The following PATJ variants were observed in gnomAD, a reference collection of about 807,000 sequenced individuals.
PATJ encodes PATJ crumbs cell polarity complex component.
PATJ carries 190 observed loss-of-function variants against 224.9 expected under a neutral mutation model. The ratio of observed to expected loss-of-function variants is 0.84; its 90% CI spans 0.75 to 0.95. The LOEUF (loss-of-function observed/expected upper bound fraction) is 0.95, where lower values mean the gene tolerates loss of function less well. Among genes scored for constraint, PATJ ranks in the 40% least tolerant of loss-of-function variants. The pLI is 0.00. For synonymous variants in PATJ, 769 were observed against 820.3 expected, an observed-to-expected ratio of 0.94 and a Z score of 1.07; for missense variants, 2,121 against 2,270.3, an observed-to-expected ratio of 0.93 and a Z score of 1.34.
intron 7 of PATJ, among the ~76,000 whole-genome samples, chr1:61,786,622 A>T (rs1648586548): frequency 6.6e-6 from 1 of 152,006 alleles, no homozygotes; most frequent in South Asian, 2.1e-4. Context: ...CAGGCTAAAA[A>T]CTTGGAGTTT....
chr1:62,129,224 G>A (rs981696733), intron 41 of PATJ, among the ~76,000 whole-genome samples: 1 of 152,146 alleles, frequency 6.6e-6, no homozygotes, highest in African/African-American at 2.4e-5. Flanking sequence ...GTGTTCTTTT[G>A]TAAATCAGAA....
intron 28 of PATJ, chr1:61,991,395 G>T: frequency 1.8e-6 from 1 of 564,876 alleles, no homozygotes; most frequent in Non-Finnish European, 2.2e-6. Context: ...GACATTTAGG[G>T]GAGCTAAATC....
At chr1:61,861,480 G>T in intron 18 of PATJ, 71 bp from the exon 19 acceptor site, 1 of 712,990 alleles carries the variant, frequency 1.4e-6, no homozygotes, top group Non-Finnish European at 2.4e-6. Flanking sequence ...TTGTCCTAAT[G>T]CTCTCCCTCC....
intron 6 of PATJ, 113 bp from the exon 7 acceptor site, chr1:61,775,093 G>C: frequency 9.3e-7 from 1 of 1,073,448 alleles, no homozygotes; most frequent in Non-Finnish European, 1.3e-6. Flanking sequence ...TTGATTAATT[G>C]CATGAATGTT....
intron 28 of PATJ, among the ~76,000 whole-genome samples, chr1:61,992,104 T>A (rs2149554828): frequency 6.7e-6 from 1 of 150,336 alleles, no homozygotes; most frequent in South Asian, 2.1e-4. Flanking sequence ...TATACTATGT[T>A]CCCTGTGGGA....
intron 1 of PATJ, among the ~76,000 whole-genome samples, chr1:61,747,794 T>C (rs866179420): frequency 6.6e-6 from 1 of 152,206 alleles, no homozygotes; most frequent in East Asian, 1.9e-4. Flanking sequence ...AGTAAGCCAC[T>C]CTCACACGTG....
At chr1:61,892,150 T>C (rs1229752126) in intron 22 of PATJ, among the ~76,000 whole-genome samples, 1 of 152,226 alleles carries the variant, frequency 6.6e-6, no homozygotes, top group African/African-American at 2.4e-5. Flanking sequence ...TAGAAGACAC[T>C]AGTGCCCATT....
chr1:62,153,167 G>C (rs1014932527), intron 42 of PATJ, among the ~76,000 whole-genome samples, 191 bp from the exon 43 acceptor site: 1 of 152,146 alleles, frequency 6.6e-6, no homozygotes, highest in Non-Finnish European at 1.5e-5. Flanking sequence ...CAAGAATATT[G>C]GTGATTAATT....
At chr1:62,051,282 C>G (rs1454520765) in intron 31 of PATJ, among the ~76,000 whole-genome samples, 1 of 152,002 alleles carries the variant, frequency 6.6e-6, no homozygotes, top group Admixed American at 6.6e-5. Context: ...ATTAAGGAAG[C>G]AATCTCTCCT....
chr1:62,141,704 C>T (rs991421445), intron 41 of PATJ, among the ~76,000 whole-genome samples: 10 of 149,322 alleles, frequency 6.7e-5, no homozygotes, highest in Non-Finnish European at 1.2e-4. Flanking sequence ...TGACTCACGC[C>T]CGTATTTTGG....
intron 24 of PATJ, among the ~76,000 whole-genome samples, chr1:61,905,612 C>G (rs535967631): frequency 6.6e-6 from 1 of 152,298 alleles, no homozygotes; most frequent in East Asian, 1.9e-4. Context: ...GATAAACACC[C>G]AAGGGTGCAA....
In PATJ at chr1:62,161,331, CTTTTTTT is replaced by C. The variant is rs557464862; in HGVS notation, c.*296_*302del. The stretch of plus-strand genomic sequence containing the variant: ...GCATTTAATTTCAGTGTTCCGATTT[CTTTTTTT>C]TTTTTTTTTTTTTTTTTTGAGACGG... On this transcript the variant is annotated 3_prime_UTR_variant, in exon 44 of 44. Transcript: ENST00000642238. 1.9e-3 allele frequency: 178 copies of C among 92,902 alleles called. No individual in the cohort carries two copies. The highest frequency in any genetic ancestry group is 5.1e-3 in the East Asian group (15 of 2,964). 5.8% of individuals were successfully genotyped at this position (92,902 alleles called of 1,614,324 possible).
chr1:61,777,764 G>A (rs556749062), intron 7 of PATJ, among the ~76,000 whole-genome samples: 4 of 131,744 alleles, frequency 3.0e-5, no homozygotes, highest in African/African-American at 1.2e-4. Context: ...CTAGAGTGCA[G>A]TGGCGTGATC....
chr1:62,084,390 G>T, intron 32 of PATJ, 125 bp from the exon 33 acceptor site: 2 of 988,654 alleles, frequency 2.0e-6, no homozygotes, highest in Admixed American at 3.3e-5. Flanking sequence ...TTTGCTTCAT[G>T]GTGTTTGGCA....
intron 3 of PATJ, 25 bp downstream of exon 3, chr1:61,763,204 A>G (rs1188198682): frequency 1.5e-6 from 2 of 1,340,024 alleles, no homozygotes; most frequent in Non-Finnish European, 2.0e-6. Flanking sequence ...AGAGTTTTAC[A>G]TTAATATATT....
At chr1:61,884,429 G>A in intron 22 of PATJ, 21 bp downstream of exon 22, 2 of 866,748 alleles carry the variant, frequency 2.3e-6, no homozygotes, top group Non-Finnish European at 3.2e-6. Context: ...ATTTCTCTTT[G>A]TTTTCACATT....
chr1:61,751,976 T>G (rs974677472), intron 1 of PATJ, among the ~76,000 whole-genome samples: 2 of 151,824 alleles, frequency 1.3e-5, no homozygotes, highest in Non-Finnish European at 1.5e-5. Flanking sequence ...TTATCTCTAC[T>G]AAAAATACAA....
chr1:61,918,112 A>G (rs942220237), intron 26 of PATJ: 4 of 151,874 alleles, frequency 2.6e-5, no homozygotes, highest in East Asian at 3.9e-4. Context: ...TCTTTAGTCA[A>G]GCTACCCTAT....
chr1:62,056,641 C>T (rs977355060), intron 31 of PATJ, among the ~76,000 whole-genome samples: 6 of 152,066 alleles, frequency 3.9e-5, no homozygotes, highest in East Asian at 1.9e-4. Context: ...ATTGGCTGGG[C>T]GTGGTGTTGG....
Sources: gnomAD v4.1 joint callset for allele counts (sites outside exome capture counted in the v4.1 genomes callset) on GRCh38, gnomAD v4.1.1 for gene constraint, MANE v1.5 for transcripts, NCBI Gene and HGNC (gene_info 2026-07-23, HGNC 2026-07-21) for gene names.